SGK3: variants seen among roughly 807,000 people sequenced by gnomAD.
SGK3 encodes the protein serum/glucocorticoid regulated kinase family member 3.
Under a neutral mutation model 68.5 loss-of-function variants are expected in SGK3, and 47 were observed. The observed-to-expected ratio is 0.69, with a 90% CI of 0.54 to 0.87. SGK3 has a LOEUF of 0.87. Among genes scored for constraint, SGK3 ranks in the 40% least tolerant of loss-of-function variants. The pLI, the probability that SGK3 is intolerant of heterozygous loss-of-function variation, is 0.00. For missense variants in SGK3, 479 were observed against 575.5 expected (o/e 0.83, Z 1.72); for synonymous variants, 181 against 189.1 (o/e 0.96, Z 0.35).
intron 1 of SGK3, among the ~76,000 whole-genome samples, chr8:66,763,357 A>G (rs1806226711): frequency 6.6e-6 from 1 of 152,114 alleles, no homozygotes; most frequent in Non-Finnish European, 1.5e-5. Context: ...CGATTTTGCC[A>G]TCTTTGAATT....
intron 1 of SGK3, among the ~76,000 whole-genome samples, chr8:66,779,527 G>T (rs996459120): frequency 7.1e-6 from 1 of 141,060 alleles, no homozygotes; most frequent in African/African-American, 2.6e-5. Flanking sequence ...TTAGGTAGGG[G>T]GGAGATATAT....
At chr8:66,809,841 A>G (rs1808308591) in intron 4 of SGK3, among the ~76,000 whole-genome samples, 1 of 152,216 alleles carries the variant, frequency 6.6e-6, no homozygotes, top group African/African-American at 2.4e-5. Context: ...TGCTTCTAAG[A>G]TGGCTCACTC....
At chr8:66,720,322 C>G (rs1804759958) in intron 1 of SGK3, among the ~76,000 whole-genome samples, 1 of 152,192 alleles carries the variant, frequency 6.6e-6, no homozygotes, top group African/African-American at 2.4e-5. Context: ...GAAAAAGTGG[C>G]TGTTCTAAAT....
intron 1 of SGK3, among the ~76,000 whole-genome samples, chr8:66,785,972 A>T (rs1003204473): frequency 2.0e-5 from 3 of 152,180 alleles, no homozygotes; most frequent in Non-Finnish European, 4.4e-5. Context: ...CATATATATG[A>T]ATCTCCCAAA....
Position 66,842,290 on chromosome 8 carries a change from A to G in SGK3, c.979-1162A>G, listed in dbSNP as rs986991053. Among the ~76,000 whole-genome samples, 6 of 145,118 alleles carry G rather than the reference A, an allele frequency of 4.1e-5. No individual in the cohort carries two copies. The East Asian group carries it at 6.0e-4, about 15-fold the overall frequency. On this transcript the variant is annotated intron_variant, in intron 13 of 16. Coordinates refer to ENST00000521198, the MANE Select transcript of SGK3 (RefSeq NM_001033578.3). ...GGCTGGAGTGCAGTGGCGCAATCTC[A>G]GCTCACTGCAAGCTCCGCCTCCCAG...
intron 8 of SGK3, among the ~76,000 whole-genome samples, chr8:66,833,076 G>T (rs546360060): frequency 6.6e-6 from 1 of 151,420 alleles, no homozygotes; most frequent in Non-Finnish European, 1.5e-5. Flanking sequence ...TGGGATCTCC[G>T]CTCACTGCAA....
chr8:66,780,947 G>A (rs1262657670), intron 1 of SGK3, among the ~76,000 whole-genome samples: 1 of 152,186 alleles, frequency 6.6e-6, no homozygotes, highest in Admixed American at 6.5e-5. Context: ...AGACATGATG[G>A]TGATTTTTGT....
At chr8:66,842,392 T>G (rs1286724668) in intron 13 of SGK3, among the ~76,000 whole-genome samples, 10 of 152,082 alleles carry the variant, frequency 6.6e-5, no homozygotes, top group Non-Finnish European at 1.5e-4. Flanking sequence ...GGCTAATTTT[T>G]TGTATTTTTG....
chr8:66,839,958 A>T, intron 10 of SGK3, 45 bp from the exon 11 acceptor site: 1 of 1,533,942 alleles, frequency 6.5e-7, no homozygotes, highest in East Asian at 2.3e-5. Flanking sequence ...TGTGTGAATG[A>T]TCCTAACATT....
At chr8:66,717,233 A>G (rs1230348902) in intron 1 of SGK3, among the ~76,000 whole-genome samples, 4 of 116,242 alleles carry the variant, frequency 3.4e-5, no homozygotes, top group African/African-American at 2.2e-4. Context: ...AAAAACAAAA[A>G]AAACAAAAAA....
intron 10 of SGK3, 73 bp downstream of exon 10, chr8:66,836,147 G>T (rs535355733): frequency 4.6e-6 from 7 of 1,534,146 alleles, no homozygotes; most frequent in Middle Eastern, 2.2e-4. Flanking sequence ...TTTCTTGTAA[G>T]TTTTAGAAGG....
At chr8:66,832,522 T>C (rs528668003) in intron 8 of SGK3, among the ~76,000 whole-genome samples, 1 of 152,276 alleles carries the variant, frequency 6.6e-6, no homozygotes, top group African/African-American at 2.4e-5. Flanking sequence ...GTATAAGCAA[T>C]AGAAAGTTAG....
At chr8:66,751,458 T>G (rs1805816099) in intron 1 of SGK3, among the ~76,000 whole-genome samples, 1 of 152,172 alleles carries the variant, frequency 6.6e-6, no homozygotes, top group South Asian at 2.1e-4. Context: ...AGGAGAACTC[T>G]TTTCTCATTG....
At chr8:66,839,288 T>C (rs1029103606) in intron 10 of SGK3, among the ~76,000 whole-genome samples, 1 of 151,086 alleles carries the variant, frequency 6.6e-6, no homozygotes, top group African/African-American at 2.4e-5. Flanking sequence ...TTAGGAAGTA[T>C]AAGAAATGAA....
intron 6 of SGK3, among the ~76,000 whole-genome samples, chr8:66,823,744 G>A (rs1808941003): frequency 6.6e-6 from 1 of 152,116 alleles, no homozygotes; most frequent in African/African-American, 2.4e-5. Context: ...AAATAAGCTT[G>A]TGTCTTATTA....
intron 16 of SGK3, among the ~76,000 whole-genome samples, chr8:66,856,990 G>T (rs1228074927): frequency 6.6e-6 from 1 of 152,048 alleles, no homozygotes; most frequent in Non-Finnish European, 1.5e-5. Flanking sequence ...CTACTCAGAA[G>T]TCTGAGGCAC....
chr8:66,726,867 G>A (rs1032910398), intron 1 of SGK3, among the ~76,000 whole-genome samples: 3 of 146,828 alleles, frequency 2.0e-5, no homozygotes, highest in Non-Finnish European at 4.5e-5. Context: ...TATAGAATTT[G>A]AATATCTTAT....
intron 10 of SGK3, among the ~76,000 whole-genome samples, chr8:66,837,694 G>A (rs1222699172): frequency 1.3e-5 from 2 of 152,158 alleles, no homozygotes; most frequent in Admixed American, 6.5e-5. Context: ...TGAGGTGGGA[G>A]GATTGTTTGA....
intron 12 of SGK3, 65 bp from the exon 13 acceptor site, chr8:66,840,958 AT>A: frequency 8.9e-6 from 11 of 1,237,798 alleles, no homozygotes; most frequent in Non-Finnish European, 1.2e-5. Context: ...AAAAAAAAAA[AT>A]TAACTGAAAA....
Sources: gnomAD v4.1 joint callset for allele counts (sites outside exome capture counted in the v4.1 genomes callset) on GRCh38, gnomAD v4.1.1 for gene constraint, MANE v1.5 for transcripts, NCBI Gene and HGNC (gene_info 2026-07-23, HGNC 2026-07-21) for gene names.